DCC: variants seen among roughly 807,000 people sequenced by gnomAD.
DCC encodes the protein netrin receptor DCC.
A neutral mutation model predicts 172.5 loss-of-function variants in DCC; 58 were observed. The ratio of observed to expected loss-of-function variants is 0.34; its 90% CI spans 0.27 to 0.42. DCC has a LOEUF of 0.42. Ranked by LOEUF, DCC falls within the 10% of genes least tolerant of loss-of-function variation. The pLI, the probability that DCC is intolerant of heterozygous loss-of-function variation, is 1.00. For synonymous variants in DCC, 709 were observed against 644.5 expected, an observed-to-expected ratio of 1.10 and a Z score of -1.52; for missense variants, 1,740 against 1,791.0, an observed-to-expected ratio of 0.97 and a Z score of 0.51.
intron 1 of DCC, among the ~76,000 whole-genome samples, chr18:52,354,386 T>A (rs1336028796): frequency 6.6e-6 from 1 of 152,182 alleles, no homozygotes; most frequent in Non-Finnish European, 1.5e-5. Context: ...GAGGGGATGT[T>A]CTAATCGTCC....
intron 16 of DCC, among the ~76,000 whole-genome samples, chr18:53,390,101 C>G (rs983228975): frequency 2.0e-5 from 3 of 152,134 alleles, no homozygotes; most frequent in Admixed American, 2.0e-4. Context: ...TGATTGGAAT[C>G]CTTGTGGAGA....
intron 2 of DCC, among the ~76,000 whole-genome samples, chr18:52,829,452 A>G (rs555203473): frequency 3.8e-4 from 58 of 152,364 alleles, no homozygotes; most frequent in African/African-American, 1.3e-3. Context: ...AATCTCCAAG[A>G]TTGTACACAT....
chr18:53,082,030 G>C (rs1216541804), intron 7 of DCC, among the ~76,000 whole-genome samples: 2 of 152,060 alleles, frequency 1.3e-5, no homozygotes, highest in Non-Finnish European at 2.9e-5. Flanking sequence ...ATCTAAGAGT[G>C]CTTAATCTAA....
chr18:52,509,453 T>A (rs2031354888), intron 1 of DCC, among the ~76,000 whole-genome samples: 1 of 152,176 alleles, frequency 6.6e-6, no homozygotes, highest in Admixed American at 6.5e-5. Context: ...GACCATGAAT[T>A]GATTTAAGTG....
At chr18:52,445,749 CA>C (rs977898713) in intron 1 of DCC, among the ~76,000 whole-genome samples, 3 of 152,172 alleles carry the variant, frequency 2.0e-5, no homozygotes, top group African/African-American at 7.2e-5. Context: ...GAGTAGCCCT[CA>C]AATATTTATA....
intron 3 of DCC, among the ~76,000 whole-genome samples, chr18:52,915,643 T>A (rs1291561096): frequency 6.6e-6 from 1 of 152,190 alleles, no homozygotes; most frequent in Non-Finnish European, 1.5e-5. Context: ...ATGATGCTAT[T>A]TGACTTTTAA....
At chr18:53,336,252 CATATT>C (rs1312758175) in intron 14 of DCC, among the ~76,000 whole-genome samples, 32 of 152,262 alleles carry the variant, frequency 2.1e-4, no homozygotes, top group African/African-American at 5.8e-4. Flanking sequence ...AAGTAATAGT[CATATT>C]ATATATCTTC....
chr18:53,127,136 GT>G (rs11285251), intron 7 of DCC, among the ~76,000 whole-genome samples: 42,580 of 129,082 alleles, frequency 0.33, 7,461 homozygotes, highest in East Asian at 0.57. Flanking sequence ...TTTGATCGTT[GT>G]TTTTTTTTTT....
chr18:53,177,247 G>A (rs2055115375), intron 8 of DCC, among the ~76,000 whole-genome samples: 1 of 151,922 alleles, frequency 6.6e-6, no homozygotes, highest in Non-Finnish European at 1.5e-5. Context: ...GAGTTAGTGG[G>A]TGCAGTGCAC....
chr18:52,481,281 C>T (rs1460588326), intron 1 of DCC, among the ~76,000 whole-genome samples: 2 of 149,828 alleles, frequency 1.3e-5, no homozygotes, highest in East Asian at 3.9e-4. Flanking sequence ...GCGCATGTGG[C>T]TGCAAGGCTG....
At chr18:52,537,289 A>T (rs2032315663) in intron 1 of DCC, among the ~76,000 whole-genome samples, 1 of 152,218 alleles carries the variant, frequency 6.6e-6, no homozygotes. Flanking sequence ...AATCTCCTTT[A>T]TGATATATTT....
At chr18:53,283,846 A>G (rs1445034611) in intron 12 of DCC, among the ~76,000 whole-genome samples, 1 of 152,224 alleles carries the variant, frequency 6.6e-6, no homozygotes, top group Non-Finnish European at 1.5e-5. Flanking sequence ...AATGCTAATT[A>G]TAAACTTACC....
intron 5 of DCC, among the ~76,000 whole-genome samples, chr18:53,003,352 T>C (rs764692890): frequency 1.3e-5 from 2 of 152,166 alleles, no homozygotes; most frequent in Non-Finnish European, 2.9e-5. Flanking sequence ...GTAATACACA[T>C]TGAACTTAGT....
At chr18:53,353,906 C>T (rs1448805616) in intron 15 of DCC, among the ~76,000 whole-genome samples, 5 of 152,100 alleles carry the variant, frequency 3.3e-5, no homozygotes, top group African/African-American at 1.2e-4. Flanking sequence ...TCTCCTAATG[C>T]TATCCCTCCC....
chr18:53,217,631 T>C (rs1486372136), intron 12 of DCC, among the ~76,000 whole-genome samples: 1 of 152,154 alleles, frequency 6.6e-6, no homozygotes, highest in Non-Finnish European at 1.5e-5. Flanking sequence ...ACACCACTTT[T>C]TGCATTCTCA....
At chr18:53,157,072 G>A (rs545191719) in intron 7 of DCC, among the ~76,000 whole-genome samples, 1 of 152,198 alleles carries the variant, frequency 6.6e-6, no homozygotes, top group Non-Finnish European at 1.5e-5. Context: ...TCTTCCCTGA[G>A]CAGACATTTT....
chr18:52,812,471 A>C (rs557030518), intron 2 of DCC, among the ~76,000 whole-genome samples: 2 of 152,240 alleles, frequency 1.3e-5, no homozygotes, highest in Non-Finnish European at 2.9e-5. Context: ...CAAAGGATGC[A>C]TCAGAAAGGC....
chr18:52,655,589 C>T (rs556560867), intron 1 of DCC, among the ~76,000 whole-genome samples: 2 of 151,994 alleles, frequency 1.3e-5, no homozygotes, highest in Admixed American at 6.6e-5. Flanking sequence ...GAAAAATGCC[C>T]ATTTTTATTT....
At chr18:52,404,740 C>T (rs968602930) in intron 1 of DCC, among the ~76,000 whole-genome samples, 8 of 150,834 alleles carry the variant, frequency 5.3e-5, no homozygotes, top group Non-Finnish European at 1.2e-4. Context: ...TATACATGTG[C>T]GATGCTGGTG....
Sources: allele counts gnomAD v4.1 joint callset (sites outside exome capture counted in the v4.1 genomes callset), GRCh38; gene constraint gnomAD v4.1.1; transcripts MANE v1.5; gene names NCBI Gene and HGNC (gene_info 2026-07-23, HGNC 2026-07-21).